The following RAD54B variants were observed in gnomAD, a reference collection of about 807,000 sequenced individuals.
RAD54B encodes DNA repair and recombination protein RAD54B.
Under a neutral mutation model 95.8 loss-of-function variants are expected in RAD54B, and 78 were observed. The observed-to-expected ratio is 0.81, with a 90% CI of 0.68 to 0.98. The LOEUF (loss-of-function observed/expected upper bound fraction) is 0.98, where lower values mean the gene tolerates loss of function less well. Ranked by LOEUF, RAD54B falls within the 50% of genes least tolerant of loss-of-function variation. The pLI, the probability that RAD54B is intolerant of heterozygous loss-of-function variation, is 0.00. For synonymous variants in RAD54B, 328 were observed against 354.9 expected (o/e 0.92, Z 0.85); for missense variants, 957 against 1,056.6 (o/e 0.91, Z 1.31).
intron 3 of RAD54B, chr8:94,432,589 C>T (rs1454707379): frequency 6.5e-7 from 1 of 1,550,106 alleles, no homozygotes; most frequent in Non-Finnish European, 8.7e-7. Flanking sequence ...GTAATAGCAA[C>T]AGGATGGTGA....
chr8:94,474,610 C>T (rs1813252047), intron 1 of RAD54B, among the ~76,000 whole-genome samples: 1 of 152,180 alleles, frequency 6.6e-6, no homozygotes, highest in Non-Finnish European at 1.5e-5. Context: ...CGACACTCTC[C>T]AGGACGCTCG....
chr8:94,374,902 C>T (rs974827643), intron 14 of RAD54B, among the ~76,000 whole-genome samples: 2 of 152,100 alleles, frequency 1.3e-5, no homozygotes, highest in African/African-American at 4.8e-5. Flanking sequence ...ACATAAAGAA[C>T]TATGGTTTTT....
Position 94,467,543 on chromosome 8 carries a change from C to G in RAD54B, c.-4G>C. On this transcript the variant is annotated 5_prime_UTR_variant, in exon 2 of 15. Coordinates refer to ENST00000336148, the MANE Select transcript of RAD54B (RefSeq NM_012415.3). ...TTGGTGCTGCAGATCGTCTCATATT[C>G]AGCAGTCGTGACCTGAAAAATACCC... 6.2e-7 allele frequency: 1 copy of G among 1,610,606 alleles called. No homozygotes were observed. Among genetic ancestry groups the G allele is most frequent in the Non-Finnish European group, 8.5e-7 (1 of 1,179,364 alleles).
intron 10 of RAD54B, 157 bp from the exon 11 acceptor site, chr8:94,387,316 A>AT (rs200463336): frequency 2.2e-5 from 13 of 588,958 alleles, no homozygotes; most frequent in Non-Finnish European, 3.6e-5. Flanking sequence ...TGATTTGATC[A>AT]TTTTTTAAAA....
At chr8:94,441,766 A>G (rs1812404867) in intron 3 of RAD54B, among the ~76,000 whole-genome samples, 1 of 152,124 alleles carries the variant, frequency 6.6e-6, no homozygotes, top group Non-Finnish European at 1.5e-5. Context: ...CACGTAACCA[A>G]CTCACATCCT....
intron 11 of RAD54B, among the ~76,000 whole-genome samples, chr8:94,381,094 C>A (rs1810727757): frequency 6.6e-6 from 1 of 151,454 alleles, no homozygotes; most frequent in South Asian, 2.1e-4. Context: ...GAGTTTCAGT[C>A]CAGCCTGGAC....
intron 6 of RAD54B, 70 bp downstream of exon 6, chr8:94,404,007 G>GA (rs1454540721): frequency 5.1e-5 from 65 of 1,262,560 alleles, no homozygotes; most frequent in Non-Finnish European, 6.5e-5. Flanking sequence ...GATCTTCTTA[G>GA]AAAACCATTA....
rs137878247 is a variant in RAD54B at position 94,441,389 on chromosome 8, G to C, written c.304+16879C>G. Among the ~76,000 whole-genome samples, 808 of 152,218 alleles carry C rather than the reference G, an allele frequency of 5.3e-3. 6 individuals are homozygous for C. The highest frequency in any genetic ancestry group is 0.019 in the African/African-American group (780 of 41,514). ...AGTTGGGGTTCCCACAATCCCCTCT[G>C]GGTTCTATTAGTTTGCTAGAGTGGT... On this transcript the variant is annotated intron_variant, in intron 3 of 14. Transcript: ENST00000336148.
chr8:94,393,251 C>T (rs1018132334), intron 9 of RAD54B, among the ~76,000 whole-genome samples: 4 of 152,106 alleles, frequency 2.6e-5, no homozygotes, highest in Admixed American at 6.6e-5. Flanking sequence ...GTTGTGCCAA[C>T]GTACATTCCA....
intron 14 of RAD54B, among the ~76,000 whole-genome samples, chr8:94,374,145 G>A (rs1225299141): frequency 2.0e-5 from 3 of 152,128 alleles, no homozygotes; most frequent in East Asian, 1.9e-4. Context: ...CAGACGTGGT[G>A]GCAGGCGCCT....
At chr8:94,459,586 G>A (rs1416219593) in intron 2 of RAD54B, among the ~76,000 whole-genome samples, 3 of 152,212 alleles carry the variant, frequency 2.0e-5, no homozygotes, top group South Asian at 4.2e-4. Context: ...GAGGCCGGGC[G>A]CAGTGGCTCA....
At chr8:94,402,097 G>A (rs968163121) in intron 6 of RAD54B, among the ~76,000 whole-genome samples, 2 of 151,918 alleles carry the variant, frequency 1.3e-5, no homozygotes, top group Admixed American at 6.6e-5. Context: ...CCAAACACCA[G>A]TATTTCATGA....
intron 2 of RAD54B, among the ~76,000 whole-genome samples, chr8:94,465,689 A>C (rs1165814329): frequency 1.3e-5 from 2 of 152,178 alleles, no homozygotes; most frequent in Non-Finnish European, 2.9e-5. Context: ...ACAGGAACAC[A>C]AACAGAAACT....
intron 3 of RAD54B, among the ~76,000 whole-genome samples, chr8:94,449,432 C>T (rs1190001130): frequency 2.0e-5 from 3 of 151,770 alleles, no homozygotes; most frequent in African/African-American, 7.3e-5. Flanking sequence ...CATGGTGAAA[C>T]CCTGTTTCCA....
chr8:94,399,138 G>A (rs1364362096), intron 8 of RAD54B, among the ~76,000 whole-genome samples: 1 of 152,094 alleles, frequency 6.6e-6, no homozygotes, highest in Admixed American at 6.6e-5. Context: ...AGCTATGTCA[G>A]ACTCGGGAAC....
At position 94,373,180 on chromosome 8, in the gene RAD54B, C is replaced by T. The variant is rs144746228; in HGVS notation, c.2516-793G>A. ...GAAAAGGAAGGGACACTGGCATAGT[C>T]GAGCAATTGATACGAGCCTATGCAA... On this transcript the variant is annotated intron_variant, in intron 14 of 14. Coordinates refer to ENST00000336148, the MANE Select transcript of RAD54B (RefSeq NM_012415.3). 713 of 152,298 alleles carry T rather than the reference C, an allele frequency of 4.7e-3. 2 individuals are homozygous for T. Among genetic ancestry groups the T allele is most frequent in the Non-Finnish European group, 7.5e-3 (513 of 68,044 alleles). 9.4% of individuals were successfully genotyped at this position (152,298 alleles called of 1,614,324 possible).
chr8:94,423,198 A>G (rs1811865200), intron 3 of RAD54B, among the ~76,000 whole-genome samples: 1 of 152,138 alleles, frequency 6.6e-6, no homozygotes, highest in Non-Finnish European at 1.5e-5. Flanking sequence ...CCTGGCTAAC[A>G]TGGTGAAACC....
At chr8:94,380,908 C>T (rs981591142) in intron 11 of RAD54B, among the ~76,000 whole-genome samples, 12 of 152,132 alleles carry the variant, frequency 7.9e-5, no homozygotes, top group African/African-American at 2.9e-4. Flanking sequence ...GGCCCTGCTC[C>T]CATGTGATCA....
intron 3 of RAD54B, among the ~76,000 whole-genome samples, chr8:94,452,735 G>A (rs1812690016): frequency 6.6e-6 from 1 of 152,000 alleles, no homozygotes; most frequent in Non-Finnish European, 1.5e-5. Context: ...CTGACCTCAT[G>A]ATCCACCCAT....
Sources: allele counts gnomAD v4.1 joint callset (sites outside exome capture counted in the v4.1 genomes callset), GRCh38; gene constraint gnomAD v4.1.1; transcripts MANE v1.5; gene names NCBI Gene and HGNC (gene_info 2026-07-23, HGNC 2026-07-21).